The following IQCF5 variants were observed in gnomAD, a reference collection of about 807,000 sequenced individuals.
IQCF5 encodes the protein IQ motif containing F5.
In IQCF5, 2 loss-of-function variants were observed where a neutral mutation model predicts 3.4. That is an observed-to-expected ratio of 0.58 (90% CI 0.24 to 1.84). IQCF5 has a LOEUF of 1.84. IQCF5 is among the 40% of genes most tolerant of loss of function. The pLI, the probability that IQCF5 is intolerant of heterozygous loss-of-function variation, is 0.17. For synonymous variants in IQCF5, 58 were observed against 64.7 expected (o/e 0.90, Z 0.49); for missense variants, 167 against 191.6 (o/e 0.87, Z 0.76).
chr3:51,874,170 C>G lies in IQCF5; in HGVS notation c.10G>C (p.Glu4Gln), dbSNP rs1431655477. The stretch of plus-strand genomic sequence containing the variant: ...CTTTCTGTCATGATGGTCTTCTCTT[C>G]TGGGCCTTACAAGAGAAAACAGACA... MGP[E>Q]EKTIMTERSA... is the part of the protein sequence containing the mutation. Residue 4 changes from glutamate to glutamine, a missense_variant, in exon 2 of 2, where the codon GAA becomes CAA. Glu to Gln is a conservative substitution (Grantham distance 29, BLOSUM62 2). Transcript: ENST00000446461. 1.3e-6 allele frequency: 2 copies of G among 1,549,906 alleles called. No individual in the cohort carries two copies. Among genetic ancestry groups the G allele is most frequent in the Non-Finnish European group, 1.7e-6 (2 of 1,145,778 alleles).
chr3:51,874,884 C>T (rs920389665), intron 1 of IQCF5: 1 of 183,964 alleles, frequency 5.4e-6, no homozygotes, highest in Non-Finnish European at 1.2e-5. Context: ...GGGCAAGAGA[C>T]AGCCAGTCCC....
Position 51,873,804 on chromosome 3 carries a change from G to T in IQCF5, c.376C>A (p.Gln126Lys). The change falls in exon 2 of 2, where the codon CAA becomes AAA. Residue 126 changes from glutamine (Q) to lysine (K), a missense_variant. Coordinates refer to ENST00000446461, the MANE Select transcript of IQCF5 (RefSeq NM_001145059.2). The stretch of plus-strand genomic sequence containing the variant: ...TGTAAGCCCAAAGAGATTTCAAGTT[G>T]AATATTAAGTTGGTTTTCTTTGAGT... The part of the protein sequence containing the change: ...YELKENQLNI[Q>K]LEISLGLQAC... 1.3e-6 allele frequency: 2 copies of T among 1,551,694 alleles called. No homozygotes were observed. Among genetic ancestry groups the T allele is most frequent in the Non-Finnish European group, 1.7e-6 (2 of 1,146,994 alleles).
chr3:51,875,258 C>G, intron 1 of IQCF5: 1 of 495,798 alleles, frequency 2.0e-6, no homozygotes, highest in South Asian at 2.4e-5. Flanking sequence ...TGCCATCCTT[C>G]TGGAATCAGA....
intron 1 of IQCF5, 41 bp from the exon 2 acceptor site, chr3:51,874,216 G>C (rs1480625476): frequency 6.5e-7 from 1 of 1,527,610 alleles, no homozygotes; most frequent in Non-Finnish European, 8.9e-7. Context: ...ATGCTAGGAA[G>C]GGGCCCTGAT....
chr3:51,875,559 C>A lies in IQCF5; in HGVS notation c.-28G>T, dbSNP rs1157961006. ...TTAGGGGCTAGATGGTCCCATCACC[C>A]TCCGGCCCGCACTCCTCCGATCAGG... is the stretch of plus-strand genomic sequence containing the variant. On this transcript the variant is annotated 5_prime_UTR_variant, in exon 1 of 2. The change creates a new upstream start codon in the 5' untranslated region. Coordinates refer to ENST00000446461, the MANE Select transcript of IQCF5 (RefSeq NM_001145059.2). 6.4e-7 allele frequency: 1 copy of A among 1,551,990 alleles called. No individual in the cohort carries two copies. Among genetic ancestry groups the A allele is most frequent in the Non-Finnish European group, 8.7e-7 (1 of 1,147,068 alleles).
chr3:51,874,333 G>C (rs1451581337), intron 1 of IQCF5, 158 bp from the exon 2 acceptor site: 2 of 754,032 alleles, frequency 2.7e-6, no homozygotes, highest in East Asian at 5.3e-5. Flanking sequence ...ACAGGTTAGT[G>C]GATGTGCTCA....
intron 1 of IQCF5, 133 bp from the exon 2 acceptor site, chr3:51,874,308 C>A (rs781417783): frequency 2.3e-6 from 2 of 867,452 alleles, no homozygotes; most frequent in Non-Finnish European, 3.7e-6. Context: ...GGTAGGTGTC[C>A]CCCCTCTGCC....
intron 1 of IQCF5, chr3:51,874,596 T>C (rs1698777158): frequency 8.0e-6 from 3 of 377,008 alleles, no homozygotes; most frequent in South Asian, 6.0e-5. Context: ...ACCCACAAGC[T>C]GCTGTGTTCC....
chr3:51,875,014 T>C (rs1983106), intron 1 of IQCF5: 12,011 of 176,940 alleles, frequency 0.068, 1,001 homozygotes, highest in African/African-American at 0.21. Flanking sequence ...CTTTGTACAA[T>C]AAATTACAGG....
chr3:51,874,377 C>A (rs1258238540), intron 1 of IQCF5: 2 of 703,840 alleles, frequency 2.8e-6, no homozygotes, highest in Non-Finnish European at 5.2e-6. Flanking sequence ...ATGTCCCCAT[C>A]TGCAAAATAG....
intron 1 of IQCF5, chr3:51,875,162 G>A (rs1249731997): frequency 2.2e-5 from 6 of 271,816 alleles, no homozygotes; most frequent in Non-Finnish European, 3.6e-5. Flanking sequence ...GGGTGGAGTC[G>A]CTTCCCTCTT....
Position 51,873,974 on chromosome 3 carries a change from C to T in IQCF5, c.206G>A (p.Trp69Ter). 6.4e-7 allele frequency: 1 copy of T among 1,552,156 alleles called. No homozygotes were observed. The highest frequency in any genetic ancestry group is 1.2e-5 in the South Asian group (1 of 84,070). The change falls in exon 2 of 2, where the codon TGG becomes TAG. Residue 69 changes from tryptophan (W) to a stop codon, truncating the protein, a stop_gained. Coordinates refer to ENST00000446461, the MANE Select transcript of IQCF5 (RefSeq NM_001145059.2). LOFTEE classifies it low-confidence loss of function (END_TRUNC). ...MVLEFYVQQEWAAVRLQSWVR... is the reference protein window; with the variant it reads ...MVLEFYVQQE ...CCAGGACTGCAGCCTGACTGCTGCC[C>T]ATTCCTGCTGCACATAGAACTCCAA...
chr3:51,873,948 C>A lies in IQCF5; in HGVS notation c.232G>T (p.Val78Phe). 6.4e-7 allele frequency: 1 copy of A among 1,551,902 alleles called. No homozygotes were observed. The highest frequency in any genetic ancestry group is 8.7e-7 in the Non-Finnish European group (1 of 1,147,080). ...CGCTGGCGGACACACCACATGCGGACCCAGGACTGCAGCCTGACTGCTGCC... is the reference window on the plus strand; with the variant it reads ...CGCTGGCGGACACACCACATGCGGAACCAGGACTGCAGCCTGACTGCTGCC... The part of the protein sequence containing the change: ...EWAAVRLQSW[V>F]RMWCVRQRYC... The change falls in exon 2 of 2, where the codon GTC (valine) becomes TTC (phenylalanine). Residue 78 changes from valine to phenylalanine, a missense_variant. Transcript: ENST00000446461.
intron 1 of IQCF5, 200 bp from the exon 2 acceptor site, chr3:51,874,375 A>G: frequency 1.4e-6 from 1 of 703,904 alleles, no homozygotes; most frequent in Admixed American, 2.0e-5. Context: ...CAATGTCCCC[A>G]TCTGCAAAAT....
chr3:51,875,144 G>A (rs2107218740), intron 1 of IQCF5: 1 of 266,976 alleles, frequency 3.7e-6, no homozygotes, highest in East Asian at 9.1e-5. Flanking sequence ...TAGGGGTGAG[G>A]GTGTTGGGGG....
rs1180170182 is a variant in IQCF5 at position 51,874,148 on chromosome 3, T to C, written c.32A>G (p.Glu11Gly). Reference protein sequence around the residue: MGPEEKTIMTERSAAVFIQAW... With the variant: MGPEEKTIMTGRSAAVFIQAW... The stretch of plus-strand genomic sequence containing the variant: ...CTGGATGAAAACAGCTGCAGACCTT[T>C]CTGTCATGATGGTCTTCTCTTCTGG... Residue 11 changes from glutamate to glycine, a missense_variant, in exon 2 of 2, where the codon GAA becomes GGA. Physicochemically the swap from Glu to Gly is moderately conservative, Grantham distance 98. Transcript: ENST00000446461. 1 of 1,551,784 alleles carries C rather than the reference T, an allele frequency of 6.4e-7. No homozygotes were observed. The highest frequency in any genetic ancestry group is 2.0e-5 in the Admixed American group (1 of 51,004).
At chr3:51,875,394 G>C in intron 1 of IQCF5, 134 bp downstream of exon 1, 1 of 934,290 alleles carries the variant, frequency 1.1e-6, no homozygotes, top group East Asian at 2.6e-5. Context: ...ACATGGAGGG[G>C]GGTCCTGTCA....
intron 1 of IQCF5, 106 bp downstream of exon 1, chr3:51,875,422 C>A: frequency 8.0e-7 from 1 of 1,242,672 alleles, no homozygotes; most frequent in South Asian, 1.3e-5. Flanking sequence ...CTGTGGGGAA[C>A]TTACTCTCCC....
chr3:51,875,516 T>C lies in IQCF5; in HGVS notation c.4+12A>G. On this transcript the variant is annotated intron_variant, in intron 1 of 1. Transcript: ENST00000446461. ...CGTAAAATTCGCACAGGTCTGGACT[T>C]TACTAAATTACCCATGGTTAGGGGC... is the stretch of plus-strand genomic sequence containing the variant. 1.3e-6 allele frequency: 2 copies of C among 1,552,132 alleles called. No individual in the cohort carries two copies. The highest frequency in any genetic ancestry group is 1.7e-6 in the Non-Finnish European group (2 of 1,147,094).
Sources: gnomAD v4.1 joint callset for allele counts on GRCh38, gnomAD v4.1.1 for gene constraint, MANE v1.5 for transcripts, NCBI Gene and HGNC (gene_info 2026-07-23, HGNC 2026-07-21) for gene names.